ZMAT4: variants seen among roughly 807,000 people sequenced by gnomAD.
ZMAT4 encodes the protein zinc finger matrin-type protein 4.
In ZMAT4, 17 loss-of-function variants were observed where a neutral mutation model predicts 28.7. The ratio of observed to expected loss-of-function variants is 0.59; its 90% CI spans 0.41 to 0.89. The LOEUF (loss-of-function observed/expected upper bound fraction) is 0.89, where lower values mean the gene tolerates loss of function less well. Among genes scored for constraint, ZMAT4 ranks in the 40% least tolerant of loss-of-function variants. ZMAT4 has a pLI of 0.00. For synonymous variants in ZMAT4, 117 were observed against 109.2 expected (o/e 1.07, Z -0.44); for missense variants, 240 against 283.8 (o/e 0.85, Z 1.11).
chr8:40,708,484 G>A (rs1376440040), intron 3 of ZMAT4, among the ~76,000 whole-genome samples: 1 of 152,030 alleles, frequency 6.6e-6, no homozygotes, highest in Admixed American at 6.6e-5. Context: ...ACAAATGTGG[G>A]GGAGAGTGGA....
intron 1 of ZMAT4, among the ~76,000 whole-genome samples, chr8:40,836,248 A>G (rs1451771564): frequency 6.6e-6 from 1 of 152,210 alleles, no homozygotes; most frequent in African/African-American, 2.4e-5. Flanking sequence ...TCAACAAACA[A>G]TGGGGAGATT....
intron 4 of ZMAT4, among the ~76,000 whole-genome samples, chr8:40,688,748 T>C (rs1809531781): frequency 6.6e-6 from 1 of 152,242 alleles, no homozygotes; most frequent in Admixed American, 6.5e-5. Flanking sequence ...TAGGTGTCTG[T>C]GTCATGTGAC....
intron 1 of ZMAT4, among the ~76,000 whole-genome samples, chr8:40,845,595 A>C (rs1040171679): frequency 7.9e-5 from 12 of 152,036 alleles, no homozygotes; most frequent in African/African-American, 2.9e-4. Context: ...ATCTAACTAC[A>C]GGCAAGACAG....
intron 3 of ZMAT4, among the ~76,000 whole-genome samples, chr8:40,715,667 G>A (rs1219800824): frequency 1.3e-5 from 2 of 152,176 alleles, no homozygotes; most frequent in African/African-American, 4.8e-5. Flanking sequence ...AAAGGGGAGA[G>A]AGAGTGTGTG....
intron 5 of ZMAT4, among the ~76,000 whole-genome samples, chr8:40,606,901 T>TA (rs1805611795): frequency 1.3e-5 from 2 of 152,258 alleles, no homozygotes; most frequent in African/African-American, 2.4e-5. Flanking sequence ...TTCATTTTTT[T>TA]AAAAATCCTT....
At chr8:40,783,693 G>T (rs772223522) in intron 2 of ZMAT4, among the ~76,000 whole-genome samples, 8 of 152,018 alleles carry the variant, frequency 5.3e-5, no homozygotes, top group Non-Finnish European at 8.8e-5. Context: ...GAATAAAAAA[G>T]AACTTGAAAA....
chr8:40,729,435 C>T (rs1811442682), intron 3 of ZMAT4, among the ~76,000 whole-genome samples: 1 of 152,166 alleles, frequency 6.6e-6, no homozygotes, highest in African/African-American at 2.4e-5. Flanking sequence ...TTCATTTACA[C>T]ATTTTACTGT....
At chr8:40,576,930 A>G (rs965008908) in intron 6 of ZMAT4, among the ~76,000 whole-genome samples, 10 of 152,198 alleles carry the variant, frequency 6.6e-5, no homozygotes, top group Admixed American at 2.6e-4. Context: ...GTGGTGGCTC[A>G]CACCTGTAAT....
At chr8:40,781,276 TA>T (rs1007657501) in intron 2 of ZMAT4, among the ~76,000 whole-genome samples, 4 of 150,894 alleles carry the variant, frequency 2.7e-5, no homozygotes, top group Non-Finnish European at 5.9e-5. Context: ...TCCAATAGCA[TA>T]AAAAAAAACT....
At chr8:40,699,220 C>A (rs1339480982) in intron 3 of ZMAT4, among the ~76,000 whole-genome samples, 1 of 151,940 alleles carries the variant, frequency 6.6e-6, no homozygotes, top group Non-Finnish European at 1.5e-5. Context: ...AGGGTTCCAG[C>A]CCATTAAATG....
At chr8:40,856,554 C>T (rs1028270966) in intron 1 of ZMAT4, among the ~76,000 whole-genome samples, 3 of 152,156 alleles carry the variant, frequency 2.0e-5, no homozygotes, top group Admixed American at 6.5e-5. Context: ...GACATCTGGG[C>T]ACTGCAGAAT....
chr8:40,881,440 A>AAAAT (rs1554497931), intron 1 of ZMAT4, among the ~76,000 whole-genome samples: 1 of 81,610 alleles, frequency 1.2e-5, no homozygotes, highest in Non-Finnish European at 2.6e-5. Flanking sequence ...AGAGAGAAAG[A>AAAAT]AAGAAAGAAA....
At chr8:40,602,195 GT>G (rs1432117730) in intron 5 of ZMAT4, among the ~76,000 whole-genome samples, 6 of 152,114 alleles carry the variant, frequency 3.9e-5, no homozygotes, top group African/African-American at 1.4e-4. Flanking sequence ...CCATTATTTT[GT>G]TCGTTTTTAT....
intron 3 of ZMAT4, among the ~76,000 whole-genome samples, chr8:40,734,536 C>T (rs550246399): frequency 5.3e-5 from 8 of 152,198 alleles, no homozygotes; most frequent in South Asian, 2.1e-4. Flanking sequence ...AAAGTACAAC[C>T]GAGCGGAGAG....
chr8:40,758,691 A>G (rs1241296315), intron 3 of ZMAT4, among the ~76,000 whole-genome samples: 1 of 152,218 alleles, frequency 6.6e-6, no homozygotes, highest in Non-Finnish European at 1.5e-5. Context: ...TGGTCTCTAG[A>G]AGGAAGCAAA....
intron 1 of ZMAT4, among the ~76,000 whole-genome samples, chr8:40,856,545 A>G (rs1170748293): frequency 6.6e-6 from 1 of 152,186 alleles, no homozygotes. Context: ...TGAATGTCAG[A>G]CATCTGGGCA....
At chr8:40,799,075 C>CTGGA (rs1814714713) in intron 2 of ZMAT4, among the ~76,000 whole-genome samples, 1 of 145,232 alleles carries the variant, frequency 6.9e-6, no homozygotes, top group South Asian at 2.2e-4. Context: ...GGCTGGCTGG[C>CTGGA]TGGCTGGATG....
At chr8:40,601,477 GA>G (rs1554525377) in intron 5 of ZMAT4, among the ~76,000 whole-genome samples, 5 of 91,642 alleles carry the variant, frequency 5.5e-5, no homozygotes, top group African/African-American at 1.5e-4. Context: ...AGGAAAGAAA[GA>G]AAGAAAGAAA....
chr8:40,530,996 CA>C lies in ZMAT4; in HGVS notation c.*1226del, dbSNP rs1205936099. On this transcript the variant is annotated 3_prime_UTR_variant, in exon 7 of 7. Coordinates refer to ENST00000297737, the MANE Select transcript of ZMAT4 (RefSeq NM_024645.3). ...AGTGGGTGTCCAGAAATTGCTGACA[CA>C]AGAAGATGGATTGCCTATGGTCGTT... is the stretch of plus-strand genomic sequence containing the variant. The C allele has an allele frequency of 6.6e-6, 1 of 152,668 alleles. No individual in the cohort carries two copies. Among genetic ancestry groups the C allele is most frequent in the Admixed American group, 6.5e-5 (1 of 15,274 alleles). The allele number at this position is 152,668 out of a possible 1,614,324, so 9.5% of individuals were successfully genotyped here. A position where few individuals can be genotyped will look rare whatever the true frequency, so the allele number is the denominator to read the frequency against.
Sources: gnomAD v4.1 joint callset for allele counts (sites outside exome capture counted in the v4.1 genomes callset) on GRCh38, gnomAD v4.1.1 for gene constraint, MANE v1.5 for transcripts, NCBI Gene and HGNC (gene_info 2026-07-23, HGNC 2026-07-21) for gene names.